FMN2: variants seen among roughly 807,000 people sequenced by gnomAD.
FMN2 encodes formin-2.
A neutral mutation model predicts 142.3 loss-of-function variants in FMN2; 51 were observed. The ratio of observed to expected loss-of-function variants is 0.36; its 90% CI spans 0.29 to 0.45. The LOEUF (loss-of-function observed/expected upper bound fraction) is 0.45, where lower values mean the gene tolerates loss of function less well. Ranked by LOEUF, FMN2 falls within the 20% of genes least tolerant of loss-of-function variation. The pLI is 1.00. For synonymous variants in FMN2, 882 were observed against 869.8 expected (o/e 1.01, Z -0.25); for missense variants, 1,936 against 2,122.8 (o/e 0.91, Z 1.73).
chr1:240,433,301 C>G (rs78662789), intron 15 of FMN2, among the ~76,000 whole-genome samples: 1 of 152,232 alleles, frequency 6.6e-6, no homozygotes, highest in East Asian at 1.9e-4. Context: ...GTAGCTTTTT[C>G]CACTGCAGTA....
intron 15 of FMN2, among the ~76,000 whole-genome samples, chr1:240,412,526 G>T (rs966013108): frequency 1.3e-5 from 2 of 152,266 alleles, no homozygotes; most frequent in East Asian, 3.9e-4. Flanking sequence ...GAGAAAATCT[G>T]CCTTGTAGGG....
chr1:240,166,591 A>T (rs1664491095), intron 2 of FMN2, among the ~76,000 whole-genome samples: 1 of 152,186 alleles, frequency 6.6e-6, no homozygotes, highest in Admixed American at 6.5e-5. Context: ...AACATACCAT[A>T]AACAGATTTT....
chr1:240,388,977 A>G (rs2103093324), intron 14 of FMN2, among the ~76,000 whole-genome samples: 1 of 151,900 alleles, frequency 6.6e-6, no homozygotes, highest in Non-Finnish European at 1.5e-5. Context: ...CTATTTGTCT[A>G]TTTTGAATGC....
intron 14 of FMN2, among the ~76,000 whole-genome samples, chr1:240,377,623 A>G (rs918342617): frequency 3.3e-5 from 5 of 152,026 alleles, no homozygotes; most frequent in African/African-American, 1.2e-4. Flanking sequence ...CAAGCTAGCC[A>G]TGGCTGGTTG....
rs145203297 is a variant in FMN2 at position 240,100,331 on chromosome 1, T to C, written c.1615+6607T>C. On this transcript the variant is annotated intron_variant, in intron 1 of 17. Coordinates refer to ENST00000319653, the MANE Select transcript of FMN2 (RefSeq NM_020066.5). ...AATTGTATTCCTCTGTTCATTCCTG[T>C]TTTGTATTCTAAGTACTAACCTAAT... Among the ~76,000 whole-genome samples the C allele has an allele frequency of 2.0e-5, 3 of 152,334 alleles. No homozygotes were observed. In the East Asian group the frequency reaches 5.8e-4, roughly 29 times the overall value.
chr1:240,295,945 CT>C (rs1358407917), intron 8 of FMN2, among the ~76,000 whole-genome samples: 1 of 152,172 alleles, frequency 6.6e-6, no homozygotes, highest in East Asian at 1.9e-4. Context: ...TCCTAATAGC[CT>C]TGCCAACAGA....
At chr1:240,288,768 G>A (rs1304144763) in intron 7 of FMN2, among the ~76,000 whole-genome samples, 2 of 152,094 alleles carry the variant, frequency 1.3e-5, no homozygotes, top group Non-Finnish European at 2.9e-5. Context: ...TACCTTGAGA[G>A]TTGTCTATGA....
chr1:240,184,339 C>CGATTCTCCT (rs1438591696), intron 3 of FMN2, among the ~76,000 whole-genome samples: 1 of 137,716 alleles, frequency 7.3e-6, no homozygotes, highest in Non-Finnish European at 1.5e-5. Flanking sequence ...CGGGTTCAAG[C>CGATTCTCCT]GATTCTCCTG....
intron 2 of FMN2, among the ~76,000 whole-genome samples, chr1:240,176,092 C>T (rs543102019): frequency 6.6e-6 from 1 of 152,094 alleles, no homozygotes; most frequent in East Asian, 1.9e-4. Context: ...ATTTTTGTTC[C>T]TTGTGCTTTT....
At chr1:240,412,302 G>A (rs1446838198) in intron 15 of FMN2, among the ~76,000 whole-genome samples, 2 of 152,132 alleles carry the variant, frequency 1.3e-5, no homozygotes, top group Admixed American at 6.5e-5. Context: ...GAATTTTGAC[G>A]CACTTTGAGT....
At chr1:240,104,235 T>C in intron 1 of FMN2, among the ~76,000 whole-genome samples, 1 of 150,204 alleles carries the variant, frequency 6.7e-6, no homozygotes, top group Non-Finnish European at 1.5e-5. Flanking sequence ...ACATTATATA[T>C]ATTTTAATAT....
At chr1:240,119,616 C>T (rs890039670) in intron 1 of FMN2, among the ~76,000 whole-genome samples, 15 of 152,170 alleles carry the variant, frequency 9.9e-5, no homozygotes, top group Non-Finnish European at 1.3e-4. Flanking sequence ...CCCACTACCG[C>T]TAAACACGGA....
intron 8 of FMN2, among the ~76,000 whole-genome samples, chr1:240,317,866 C>G (rs1421399640): frequency 6.6e-6 from 1 of 152,116 alleles, no homozygotes; most frequent in African/African-American, 2.4e-5. Context: ...TTCTCAGCAG[C>G]AATATATGAG....
intron 1 of FMN2, among the ~76,000 whole-genome samples, chr1:240,096,722 A>G (rs928706233): frequency 6.6e-6 from 1 of 152,222 alleles, no homozygotes; most frequent in Non-Finnish European, 1.5e-5. Context: ...GAGGGTTGTC[A>G]GCATTACAGG....
At position 240,222,403 on chromosome 1, in the gene FMN2, G is replaced by T. The variant is rs373633120; in HGVS notation, c.4065+11168G>T. ...TTTTGGTTACTGTAGCCTTGTAGTA[G>T]AGTTTGAAGTCAGGTGGTGTGATGC... On this transcript the variant is annotated intron_variant, in intron 6 of 17. Coordinates refer to ENST00000319653, the MANE Select transcript of FMN2 (RefSeq NM_020066.5). 2.7e-3 allele frequency among the ~76,000 whole-genome samples: 412 copies of T among 152,098 alleles called. 3 individuals carry two copies. In the South Asian group the frequency reaches 0.027, roughly 10 times the overall value.
At chr1:240,364,847 G>C (rs10926230) in intron 14 of FMN2, among the ~76,000 whole-genome samples, 15,678 of 152,256 alleles carry the variant, frequency 0.1, 846 homozygotes, top group East Asian at 0.16. Context: ...AGGAATGACT[G>C]TCAATTCAAC....
intron 13 of FMN2, among the ~76,000 whole-genome samples, chr1:240,339,342 T>G (rs551859075): frequency 1.3e-5 from 2 of 149,804 alleles, no homozygotes; most frequent in Non-Finnish European, 3.0e-5. Flanking sequence ...TTTTATTATT[T>G]TTTTTTAATC....
intron 1 of FMN2, among the ~76,000 whole-genome samples, chr1:240,108,274 A>G (rs542824103): frequency 6.6e-6 from 1 of 152,218 alleles, no homozygotes; most frequent in African/African-American, 2.4e-5. Context: ...CTTTGAGACA[A>G]CCCTAGATAT....
chr1:240,416,090 A>G (rs1674566424), intron 15 of FMN2, among the ~76,000 whole-genome samples: 2 of 151,796 alleles, frequency 1.3e-5, no homozygotes, highest in South Asian at 2.1e-4. Context: ...CTCCTTTTCT[A>G]CCACCAGCCT....
Sources: allele counts gnomAD v4.1 joint callset (sites outside exome capture counted in the v4.1 genomes callset), GRCh38; gene constraint gnomAD v4.1.1; transcripts MANE v1.5; gene names NCBI Gene and HGNC (gene_info 2026-07-23, HGNC 2026-07-21).